NLRP1: variants seen among roughly 807,000 people sequenced by gnomAD.
NLRP1 encodes the protein NACHT, LRR and PYD domains-containing protein 1.
Under a neutral mutation model 136.7 loss-of-function variants are expected in NLRP1, and 94 were observed. The ratio of observed to expected loss-of-function variants is 0.69; its 90% CI spans 0.58 to 0.82. The LOEUF (loss-of-function observed/expected upper bound fraction) is 0.82. Among genes scored for constraint, NLRP1 ranks in the 40% least tolerant of loss-of-function variants. The pLI, the probability that NLRP1 is intolerant of heterozygous loss-of-function variation, is 0.00. For missense variants in NLRP1, 1,575 were observed against 1,802.7 expected, an observed-to-expected ratio of 0.87 and a Z score of 2.29; for synonymous variants, 690 against 725.1, an observed-to-expected ratio of 0.95 and a Z score of 0.78.
chr17:5,556,109 T>TACACA (rs1226748050), intron 4 of NLRP1, among the ~76,000 whole-genome samples: 1 of 133,476 alleles, frequency 7.5e-6, no homozygotes, highest in African/African-American at 2.9e-5. Context: ...TCTCTGTCTC[T>TACACA]CTCTCTACAC....
At chr17:5,539,634 T>C in intron 6 of NLRP1, 49 bp from the exon 7 acceptor site, 1 of 1,496,764 alleles carries the variant, frequency 6.7e-7, no homozygotes, top group Admixed American at 2.3e-5. Context: ...AAGGGCTCGC[T>C]CTTCAGGGTA....
intron 3 of NLRP1, among the ~76,000 whole-genome samples, chr17:5,562,733 G>T (rs1275146791): frequency 6.6e-6 from 1 of 152,152 alleles, no homozygotes; most frequent in Admixed American, 6.5e-5. Context: ...TAAGGCAAAG[G>T]CTCCCACCAG....
At chr17:5,533,516 A>G in intron 9 of NLRP1, 132 bp from the exon 10 acceptor site, 1 of 566,754 alleles carries the variant, frequency 1.8e-6, no homozygotes, top group Non-Finnish European at 3.2e-6. Flanking sequence ...TGAACATGCC[A>G]CTGCACTCCA....
chr17:5,513,220 A>G (rs1907753322), downstream of NLRP1, among the ~76,000 whole-genome samples: 1 of 152,184 alleles, frequency 6.6e-6, no homozygotes, highest in African/African-American at 2.4e-5. Context: ...TTTCCAGCCT[A>G]TTCACTTAGA....
chr17:5,547,107 C>T (rs956337990), intron 5 of NLRP1, among the ~76,000 whole-genome samples: 1 of 152,130 alleles, frequency 6.6e-6, no homozygotes, highest in Non-Finnish European at 1.5e-5. Context: ...AACTTAGGCA[C>T]TAAATACATA....
chr17:5,530,241 C>T (rs1910070615), intron 12 of NLRP1, among the ~76,000 whole-genome samples: 1 of 152,154 alleles, frequency 6.6e-6, no homozygotes, highest in Non-Finnish European at 1.5e-5. Flanking sequence ...ATAAATGACA[C>T]TTAATAAAAA....
Position 5,558,879 on chromosome 17 carries a change from T to C in NLRP1, c.1817A>G (p.Lys606Arg), listed in dbSNP as rs1375881719. The C allele has an allele frequency of 2.5e-6, 4 of 1,614,140 alleles. No individual in the cohort carries two copies. Among genetic ancestry groups the C allele is most frequent in the Admixed American group, 3.3e-5 (2 of 60,028 alleles). The change falls in exon 4 of 17, where the codon AAG (lysine) becomes AGG (arginine). Residue 606 changes from lysine to arginine, a missense_variant. Coordinates refer to ENST00000572272, the MANE Select transcript of NLRP1 (RefSeq NM_033004.4). ...GGGGTGCTCTTGAAGAATACCCATC[T>C]TCAAGAAGGTGGAGATGATGGCCCC... ...LDGAIISTFLKMGILQEHPIP... is the reference protein window; with the variant it reads ...LDGAIISTFLRMGILQEHPIP...
intron 11 of NLRP1, among the ~76,000 whole-genome samples, chr17:5,531,001 C>G (rs1162080916): frequency 6.6e-6 from 1 of 152,158 alleles, no homozygotes; most frequent in African/African-American, 2.4e-5. Context: ...TAGTACACGC[C>G]TGGGAGCTGT....
At chr17:5,572,050 A>G (rs765010351) in intron 3 of NLRP1, among the ~76,000 whole-genome samples, 6 of 152,242 alleles carry the variant, frequency 3.9e-5, no homozygotes, top group Non-Finnish European at 7.3e-5. Flanking sequence ...AGCCATATGC[A>G]GAAGACTGAA....
Position 5,541,932 on chromosome 17 carries a change from T to A in NLRP1, c.2624A>T (p.Asn875Ile). The A allele has an allele frequency of 3.1e-6, 5 of 1,614,046 alleles. No individual in the cohort carries two copies. The highest frequency in any genetic ancestry group is 4.2e-6 in the Non-Finnish European group (5 of 1,180,010). ...QTLTELDLSFNVLTDAGAKHL... is the reference protein window; with the variant it reads ...QTLTELDLSFIVLTDAGAKHL... Reference sequence around the variant, plus strand: ...TTTGGCTCCAGCATCCGTGAGCACATTGAAGCTCAGGTCCAGCTCGGTCAG... The same window carrying A: ...TTTGGCTCCAGCATCCGTGAGCACAATGAAGCTCAGGTCCAGCTCGGTCAG... The change falls in exon 6 of 17, where the codon AAT becomes ATT. Residue 875 changes from asparagine (N) to isoleucine (I), a missense_variant. Coordinates refer to ENST00000572272, the MANE Select transcript of NLRP1 (RefSeq NM_033004.4). The surrounding 1 kb of genome is among the most constrained non-coding windows in gnomAD (Gnocchi z 4.2).
At position 5,584,047 on chromosome 17, in the gene NLRP1, G is replaced by T; in HGVS notation, c.-90C>A. 7.9e-7 allele frequency: 1 copy of T among 1,269,098 alleles called. No individual in the cohort carries two copies. Among genetic ancestry groups the T allele is most frequent in the Non-Finnish European group, 1.1e-6 (1 of 926,824 alleles). The allele number at this position is 1,269,098 out of a possible 1,614,324, so 78.6% of individuals were successfully genotyped here. On this transcript the variant is annotated 5_prime_UTR_variant, in exon 1 of 17. Coordinates refer to ENST00000572272, the MANE Select transcript of NLRP1 (RefSeq NM_033004.4). ...AGAGAACAGTGCTGTCCTTTGCCTTGGCTCTTACCGTCTCTTATTCAGCAT... is the reference window on the plus strand; with the variant it reads ...AGAGAACAGTGCTGTCCTTTGCCTTTGCTCTTACCGTCTCTTATTCAGCAT...
rs543193379 is a variant in NLRP1, at chr17:5,568,459, T to C, written c.653-8416A>G. Among the ~76,000 whole-genome samples, 5 of 152,318 alleles carry C rather than the reference T, an allele frequency of 3.3e-5. 1 individual carries two copies. The South Asian group carries it at 6.2e-4, about 19-fold the overall frequency. On this transcript the variant is annotated intron_variant, in intron 3 of 16. Coordinates refer to ENST00000572272, the MANE Select transcript of NLRP1 (RefSeq NM_033004.4). ...ACATTTATCTGCTAGAATTCTGAAT[T>C]CCTTCTCTGTGTTATCTTGAGTTTC...
At chr17:5,531,372 C>T (rs758890017) in intron 11 of NLRP1, among the ~76,000 whole-genome samples, 3 of 152,134 alleles carry the variant, frequency 2.0e-5, no homozygotes, top group Non-Finnish European at 4.4e-5. Context: ...CATGTCACCA[C>T]GTCCAGCTAA....
rs1567627904 is a variant in NLRP1, at chr17:5,514,252, TAA to T, written c.*500_*501del. 4 of 256,462 alleles carry T rather than the reference TAA, an allele frequency of 1.6e-5. No homozygotes were observed. The highest frequency in any genetic ancestry group is 2.4e-5 in the Non-Finnish European group (4 of 163,266). 15.9% of individuals were successfully genotyped at this position (256,462 alleles called of 1,614,324 possible). On this transcript the variant is annotated 3_prime_UTR_variant, in exon 17 of 17. Transcript: ENST00000572272. Reference sequence around the variant, plus strand: ...ACTGGAAAGCCTGCTAGACAAATTCTAAAAGAGCTGTGATACTCCTTTATTTT... The same window carrying T: ...ACTGGAAAGCCTGCTAGACAAATTCTAAGAGCTGTGATACTCCTTTATTTT...
intron 15 of NLRP1, among the ~76,000 whole-genome samples, chr17:5,508,770 T>C (rs907640788): frequency 1.3e-5 from 2 of 152,144 alleles, no homozygotes; most frequent in African/African-American, 4.8e-5. Context: ...TAAAACCCCA[T>C]GTACTAGGAT....
chr17:5,522,068 G>A (rs1189213590), intron 12 of NLRP1, among the ~76,000 whole-genome samples: 5 of 152,146 alleles, frequency 3.3e-5, no homozygotes, highest in African/African-American at 4.8e-5. Flanking sequence ...CAGGTGATCC[G>A]CCTGCCTCGG....
At chr17:5,579,110 G>A (rs538837065) in intron 3 of NLRP1, among the ~76,000 whole-genome samples, 4 of 152,210 alleles carry the variant, frequency 2.6e-5, no homozygotes, top group Non-Finnish European at 4.4e-5. Flanking sequence ...AGGGCCTGTC[G>A]TGGGGTTGGA....
rs953605073 is a variant in NLRP1 at position 5,583,801 on chromosome 17, C to G, written c.157G>C (p.Val53Leu). 5 of 1,558,134 alleles carry G rather than the reference C, an allele frequency of 3.2e-6. No individual in the cohort carries two copies. The highest frequency in any genetic ancestry group is 4.3e-6 in the Non-Finnish European group (5 of 1,150,118). The change falls in exon 1 of 17, where the codon GTG becomes CTG. Residue 53 changes from valine to leucine, a missense_variant. Transcript: ENST00000572272. The surrounding 1 kb of genome is among the most constrained non-coding windows in gnomAD (Gnocchi z 4.5). ...AQPEKTSGMEVASYLVAQYGE... is the reference protein window; with the variant it reads ...AQPEKTSGMELASYLVAQYGE... Reference sequence around the variant, plus strand: ...TACTGAGCCACCAGGTACGAGGCCACCTCCATGCCACTCGTCTTCTCTGGC... The same window carrying G: ...TACTGAGCCACCAGGTACGAGGCCAGCTCCATGCCACTCGTCTTCTCTGGC...
chr17:5,551,224 CT>C (rs1331208981), intron 5 of NLRP1, among the ~76,000 whole-genome samples: 2 of 152,150 alleles, frequency 1.3e-5, no homozygotes, highest in Non-Finnish European at 1.5e-5. Context: ...AACCACTAAT[CT>C]TTTTTACTAT....
Sources: gnomAD v4.1 joint callset for allele counts (sites outside exome capture counted in the v4.1 genomes callset) on GRCh38, gnomAD v4.1.1 for gene constraint, Gnocchi (gnomAD v3.1) non-coding constraint, MANE v1.5 for transcripts, NCBI Gene and HGNC (gene_info 2026-07-23, HGNC 2026-07-21) for gene names.